The following B9D1 variants were observed in gnomAD, a reference collection of about 807,000 sequenced individuals.
The protein encoded by B9D1 is B9 domain containing 1, also known as B9 domain-containing protein 1.
In B9D1, 20 loss-of-function variants were observed where a neutral mutation model predicts 26.1. That is an observed-to-expected ratio of 0.77 (90% confidence interval 0.54 to 1.12). The LOEUF is 1.12. Among genes scored for constraint, B9D1 ranks in the 50% most tolerant of loss-of-function variants. The probability of loss-of-function intolerance (pLI) is 0.00; values close to 1 mark genes in which losing one functional copy is unlikely to be tolerated. For synonymous variants in B9D1, 105 were observed against 103.1 expected (o/e 1.02, Z -0.11); for missense variants, 260 against 273.7 (o/e 0.95, Z 0.35).
chr17:19,347,183 C>T lies in B9D1; in HGVS notation c.404+86G>A, dbSNP rs767427827. On this transcript the variant is annotated intron_variant, in intron 5 of 6. Transcript: ENST00000261499. The surrounding 1 kb of genome is among the most constrained non-coding windows in gnomAD (Gnocchi z 4.3). ...GGAGCAGCTTGCAGATCTGAGGAGG[C>T]GACCAGGCACAAACTGAGGGGTAGA... The T allele has an allele frequency of 4.2e-5, 68 of 1,613,680 alleles. No individual in the cohort carries two copies. Among genetic ancestry groups the T allele is most frequent in the Middle Eastern group, 3.3e-4 (2 of 6,080 alleles).
At chr17:19,360,479 C>A in intron 1 of B9D1, 91 bp from the exon 2 acceptor site, 1 of 1,124,170 alleles carries the variant, frequency 8.9e-7, no homozygotes, top group Non-Finnish European at 1.4e-6. Flanking sequence ...GAATTCTGAA[C>A]GTGAGACACC....
At chr17:19,351,702 T>C (rs1017210131) in intron 3 of B9D1, among the ~76,000 whole-genome samples, 3 of 152,220 alleles carry the variant, frequency 2.0e-5, no homozygotes, top group African/African-American at 4.8e-5. Flanking sequence ...TTAATAGACA[T>C]AGGACTACTC....
upstream of B9D1, chr17:19,362,784 C>A (rs1434593283): frequency 7.1e-7 from 1 of 1,414,872 alleles, no homozygotes; most frequent in Non-Finnish European, 9.6e-7. Context: ...GGGATCCACG[C>A]CGAGGCTCCA....
chr17:19,340,033 A>AACCCCCCC (rs1907774483), downstream of B9D1, among the ~76,000 whole-genome samples: 1 of 110,584 alleles, frequency 9.0e-6, no homozygotes, highest in African/African-American at 3.5e-5. Flanking sequence ...CACATGCCCA[A>AACCCCCCC]CCCCCCCCCC....
In B9D1 at chr17:19,345,756, G is replaced by A. The variant is rs577778064; in HGVS notation, c.404+1513C>T. On this transcript the variant is annotated intron_variant, in intron 5 of 6. Coordinates refer to ENST00000261499, the MANE Select transcript of B9D1 (RefSeq NM_015681.6). ...TGTGTGTTTTGTTGCAGCAGCCACC[G>A]TGGGAAACGAATACAGTGGCCAAGA... is the stretch of plus-strand genomic sequence containing the variant. Among the ~76,000 whole-genome samples the A allele has an allele frequency of 4.6e-5, 7 of 152,304 alleles. No homozygotes were observed. The East Asian group carries it at 9.7e-4, about 21-fold the overall frequency.
intron 1 of B9D1, among the ~76,000 whole-genome samples, chr17:19,376,211 G>A (rs753019522): frequency 6.6e-6 from 1 of 152,198 alleles, no homozygotes; most frequent in Non-Finnish European, 1.5e-5. Flanking sequence ...TCTGGTGAAA[G>A]AGGAATGAGG....
intron 1 of B9D1, 50 bp from the exon 2 acceptor site, chr17:19,360,438 A>G (rs1462120367): frequency 6.5e-7 from 1 of 1,546,762 alleles, no homozygotes; most frequent in South Asian, 1.1e-5. Flanking sequence ...TGCTGAGGCC[A>G]ATGCATTTGC....
At chr17:19,349,744 A>G (rs928013796) in intron 3 of B9D1, among the ~76,000 whole-genome samples, 5 of 152,004 alleles carry the variant, frequency 3.3e-5, no homozygotes, top group African/African-American at 1.2e-4. Flanking sequence ...TTATCTTTTC[A>G]TTTTTAGTGA....
At chr17:19,363,168 G>A (rs1051045687), upstream of B9D1, 2 of 158,126 alleles carry the variant, frequency 1.3e-5, no homozygotes, top group Non-Finnish European at 2.8e-5. Flanking sequence ...CAGCGTCCAA[G>A]CAGGTGAAAA....
intron 1 of B9D1, among the ~76,000 whole-genome samples, chr17:19,369,599 G>C (rs995032686): frequency 6.6e-6 from 1 of 152,148 alleles, no homozygotes; most frequent in Non-Finnish European, 1.5e-5. Context: ...GGGTCCCTCT[G>C]TGTGGGTGTG....
intron 3 of B9D1, among the ~76,000 whole-genome samples, chr17:19,350,806 GTT>G (rs1212446945): frequency 6.7e-6 from 1 of 150,134 alleles, no homozygotes; most frequent in East Asian, 1.9e-4. Flanking sequence ...TTTACCATGT[GTT>G]TTCTTCATTT....
At chr17:19,352,686 T>A (rs939313693) in intron 3 of B9D1, among the ~76,000 whole-genome samples, 3 of 152,068 alleles carry the variant, frequency 2.0e-5, no homozygotes, top group Non-Finnish European at 4.4e-5. Flanking sequence ...CATGCCTGGC[T>A]AATTTTGTAT....
At chr17:19,337,659 G>A (rs11652712), downstream of B9D1, 1,456,001 of 1,502,002 alleles carry the variant, frequency 0.97, 708,316 homozygotes, top group African/African-American at 0.99. Context: ...GGCTTCCCGC[G>A]GAAGTTTCTC....
chr17:19,376,969 C>T (rs576851374), intron 1 of B9D1, among the ~76,000 whole-genome samples: 1 of 152,290 alleles, frequency 6.6e-6, no homozygotes, highest in South Asian at 2.1e-4. Context: ...GAAGCCCCTC[C>T]CCTTTGAGTT....
intron 5 of B9D1, among the ~76,000 whole-genome samples, chr17:19,346,076 C>G (rs1047152263): frequency 2.0e-5 from 3 of 152,226 alleles, no homozygotes; most frequent in African/African-American, 4.8e-5. Context: ...GGTGAATAAC[C>G]CAGCCTGGAT....
rs566934099 is a variant in B9D1 at position 19,376,836 on chromosome 17, T to C, written c.-298+1023A>G. 3.3e-3 allele frequency among the ~76,000 whole-genome samples: 417 copies of C among 126,862 alleles called. 1 individual carries two copies. Among genetic ancestry groups the C allele is most frequent in the Admixed American group, 6.3e-3 (81 of 12,822 alleles). The allele number at this position is 126,862 out of a possible 152,430, so 83.2% of individuals were successfully genotyped here. ...TAAAATAAAATAAAATAAAATAAAA[T>C]AAACAACCAAAAAACCCTAGGTCTC... On this transcript the variant is annotated intron_variant, in intron 1 of 5. Transcript: ENST00000477478.
downstream of B9D1, among the ~76,000 whole-genome samples, chr17:19,337,313 C>T (rs1004126504): frequency 6.6e-6 from 1 of 152,192 alleles, no homozygotes; most frequent in Admixed American, 6.5e-5. Context: ...CGGGAGGACA[C>T]GTGCATCTCC....
chr17:19,350,419 G>T (rs1909444679), intron 3 of B9D1, among the ~76,000 whole-genome samples: 1 of 151,966 alleles, frequency 6.6e-6, no homozygotes, highest in African/African-American at 2.4e-5. Flanking sequence ...GGTCGCATGT[G>T]CCTGTAGTCC....
intron 6 of B9D1, 152 bp from the exon 7 acceptor site, chr17:19,343,613 G>C (rs745549951): frequency 4.8e-5 from 75 of 1,573,298 alleles, no homozygotes; most frequent in Non-Finnish European, 6.1e-5. Context: ...GGGGCTGCCG[G>C]GACAGGCAGA....
Sources: allele counts gnomAD v4.1 joint callset (sites outside exome capture counted in the v4.1 genomes callset), GRCh38; gene constraint gnomAD v4.1.1; non-coding constraint Gnocchi (gnomAD v3.1); transcripts MANE v1.5; gene names NCBI Gene and HGNC (gene_info 2026-07-23, HGNC 2026-07-21).